PDE8B: variants seen among roughly 807,000 people sequenced by gnomAD.
The protein encoded by PDE8B is high affinity cAMP-specific and IBMX-insensitive 3',5'-cyclic phosphodiesterase 8B.
In PDE8B, 26 loss-of-function variants were observed where a neutral mutation model predicts 101.3. That is an observed-to-expected ratio of 0.26 (90% CI 0.19 to 0.36). PDE8B has a LOEUF of 0.36. Ranked by LOEUF, PDE8B falls within the 10% of genes least tolerant of loss-of-function variation. PDE8B has a pLI of 1.00. For missense variants in PDE8B, 810 were observed against 1,163.1 expected (o/e 0.70, Z 4.42); for synonymous variants, 424 against 429.3 (o/e 0.99, Z 0.15).
intron 10 of PDE8B, among the ~76,000 whole-genome samples, chr5:77,386,197 T>C (rs1788570385): frequency 6.6e-6 from 1 of 152,192 alleles, no homozygotes; most frequent in Non-Finnish European, 1.5e-5. Flanking sequence ...TTACTTCCAA[T>C]TATGTGGTCA....
intron 1 of PDE8B, among the ~76,000 whole-genome samples, chr5:77,258,362 G>C (rs1429431832): frequency 6.6e-6 from 1 of 151,796 alleles, no homozygotes; most frequent in Non-Finnish European, 1.5e-5. Flanking sequence ...GATGGAGCAT[G>C]GTCCATTGTA....
chr5:77,304,804 T>A (rs1462965701), intron 1 of PDE8B, among the ~76,000 whole-genome samples: 1 of 152,144 alleles, frequency 6.6e-6, no homozygotes, highest in African/African-American at 2.4e-5. Flanking sequence ...GGATATTGTT[T>A]GGGGGGGATA....
At chr5:77,165,728 A>G in the PDE8B span, among the ~76,000 whole-genome samples, 12 of 152,324 alleles carry the variant, frequency 7.9e-5, no homozygotes, top group South Asian at 2.1e-4. Flanking sequence ...GAACTTAGCT[A>G]GGCATGGTGG....
chr5:77,331,333 C>A, intron 4 of PDE8B, 69 bp from the exon 5 acceptor site: 1 of 1,370,178 alleles, frequency 7.3e-7, no homozygotes, highest in Non-Finnish European at 1.0e-6. Flanking sequence ...ATTGCTCTCT[C>A]TCCGTGTTTC....
chr5:77,316,448 G>A (rs1773784048), intron 2 of PDE8B, among the ~76,000 whole-genome samples: 1 of 152,110 alleles, frequency 6.6e-6, no homozygotes, highest in Non-Finnish European at 1.5e-5. Flanking sequence ...TGGCCAGGCT[G>A]GTCTCGAACT....
chr5:77,232,871 G>A lies in PDE8B; in HGVS notation c.339+21607G>A, dbSNP rs185461536. Among the ~76,000 whole-genome samples, 5 of 152,310 alleles carry A rather than the reference G, an allele frequency of 3.3e-5. No homozygotes were observed. In the East Asian group the frequency reaches 9.6e-4, roughly 29 times the overall value. ...TAATGATAAAAATTTGTAATCCAGG[G>A]TTAACAAATATAAATAATACAAATG... On this transcript the variant is annotated intron_variant, in intron 1 of 21. Coordinates refer to ENST00000264917, the MANE Select transcript of PDE8B (RefSeq NM_003719.5).
At chr5:77,180,926 G>A in the PDE8B span, among the ~76,000 whole-genome samples, 8 of 152,016 alleles carry the variant, frequency 5.3e-5, no homozygotes, top group Non-Finnish European at 1.0e-4. Flanking sequence ...CTCCCCTTCT[G>A]AGTAGTGAGT....
the PDE8B span, among the ~76,000 whole-genome samples, chr5:77,107,767 G>A: frequency 6.6e-6 from 1 of 152,104 alleles, no homozygotes; most frequent in East Asian, 1.9e-4. Context: ...TCTTTTGCTG[G>A]TCTGAGTTCC....
intron 17 of PDE8B, among the ~76,000 whole-genome samples, chr5:77,417,953 C>T (rs964189648): frequency 1.3e-5 from 2 of 151,840 alleles, no homozygotes; most frequent in African/African-American, 4.9e-5. Context: ...ATTCAAAAGG[C>T]TTGTTTGGCC....
intron 18 of PDE8B, among the ~76,000 whole-genome samples, chr5:77,419,230 C>T (rs571155681): frequency 5.3e-5 from 8 of 152,244 alleles, no homozygotes; most frequent in South Asian, 2.1e-4. Context: ...TAGAAAACGA[C>T]GACAGAATTG....
intron 10 of PDE8B, among the ~76,000 whole-genome samples, chr5:77,357,077 C>T (rs1459298934): frequency 6.6e-6 from 1 of 152,118 alleles, no homozygotes. Context: ...AATGTCTTTG[C>T]GGGGAGATGC....
At chr5:77,109,927 GTTT>G in the PDE8B span, among the ~76,000 whole-genome samples, 141 of 67,214 alleles carry the variant, frequency 2.1e-3, no homozygotes, top group African/African-American at 7.7e-3. Context: ...TTGTATTTCA[GTTT>G]TTTTTTTTTT....
intron 1 of PDE8B, among the ~76,000 whole-genome samples, chr5:77,235,010 C>T (rs369694070): frequency 1.8e-4 from 27 of 152,226 alleles, no homozygotes; most frequent in African/African-American, 4.8e-4. Context: ...GGTCTCTCAC[C>T]CCCAACCCAT....
intron 1 of PDE8B, among the ~76,000 whole-genome samples, chr5:77,267,475 G>A (rs898793989): frequency 6.7e-6 from 1 of 148,886 alleles, no homozygotes; most frequent in Non-Finnish European, 1.5e-5. Flanking sequence ...ACATTGCATT[G>A]CACAATGGGT....
chr5:77,197,813 T>C, the PDE8B span, among the ~76,000 whole-genome samples: 2 of 152,202 alleles, frequency 1.3e-5, no homozygotes, highest in Non-Finnish European at 2.9e-5. Flanking sequence ...ATTTCAGAAC[T>C]TGTATTTTTC....
chr5:77,252,346 T>C (rs1427140212), intron 1 of PDE8B, among the ~76,000 whole-genome samples: 1 of 152,210 alleles, frequency 6.6e-6, no homozygotes, highest in Non-Finnish European at 1.5e-5. Flanking sequence ...TTTTACAACT[T>C]TTTCTACCAA....
At chr5:77,236,208 C>G (rs953672125) in intron 1 of PDE8B, among the ~76,000 whole-genome samples, 2 of 152,154 alleles carry the variant, frequency 1.3e-5, no homozygotes, top group African/African-American at 4.8e-5. Flanking sequence ...GAAGCACAAG[C>G]AGGCCAGTGT....
intron 1 of PDE8B, among the ~76,000 whole-genome samples, chr5:77,237,438 A>T (rs1358531369): frequency 2.0e-5 from 3 of 152,014 alleles, no homozygotes; most frequent in African/African-American, 7.2e-5. Context: ...AGGGATTATC[A>T]CACACACACT....
chr5:77,398,878 T>C (rs1791651737), intron 10 of PDE8B, among the ~76,000 whole-genome samples: 1 of 152,190 alleles, frequency 6.6e-6, no homozygotes, highest in African/African-American at 2.4e-5. Context: ...GTCTCTCAGC[T>C]CCTGGCCTGG....
Sources: gnomAD v4.1 joint callset for allele counts (sites outside exome capture counted in the v4.1 genomes callset) on GRCh38, gnomAD v4.1.1 for gene constraint, MANE v1.5 for transcripts, NCBI Gene and HGNC (gene_info 2026-07-23, HGNC 2026-07-21) for gene names.